Variants in KYNU observed in about 807,000 individuals in gnomAD.
The protein encoded by KYNU is kynureninase, also known as L-kynurenine hydrolase.
A neutral mutation model predicts 59.2 loss-of-function variants in KYNU; 54 were observed. The observed-to-expected ratio is 0.91, with a 90% confidence interval of 0.73 to 1.14. The LOEUF is 1.14. KYNU is among the 50% of genes most tolerant of loss of function. The probability of loss-of-function intolerance (pLI) is 0.00; values close to 1 mark genes in which losing one functional copy is unlikely to be tolerated. For synonymous variants in KYNU, 177 were observed against 192.0 expected (o/e 0.92, Z 0.65); for missense variants, 567 against 554.4 (o/e 1.02, Z -0.23).
chr2:142,997,654 A>G, intron 10 of KYNU, among the ~76,000 whole-genome samples: 1 of 152,178 alleles, frequency 6.6e-6, no homozygotes, highest in East Asian at 1.9e-4. Flanking sequence ...GTATGTTCTT[A>G]AGAAAGATTG....
intron 4 of KYNU, among the ~76,000 whole-genome samples, chr2:142,933,934 GA>G (rs578104423): frequency 6.6e-6 from 1 of 151,632 alleles, no homozygotes; most frequent in Non-Finnish European, 1.5e-5. Context: ...GAATTGTGGG[GA>G]AAAAAAAGCA....
intron 2 of KYNU, among the ~76,000 whole-genome samples, chr2:142,906,051 G>C: frequency 7.1e-6 from 1 of 141,376 alleles, no homozygotes; most frequent in African/African-American, 2.8e-5. Context: ...CTCTCTCTCT[G>C]CCTCTTTCTC....
At position 143,045,886 on chromosome 2, in the gene KYNU, A is replaced by G. The variant is rs572461529; in HGVS notation, c.*3714A>G. The stretch of plus-strand genomic sequence containing the variant: ...ACAAGCAGCTTAGTAGGAGAAACAT[A>G]TGTTGAACTTGTAAGCAGAGAAGTA... On this transcript the variant is annotated 3_prime_UTR_variant, in exon 14 of 14. Transcript: ENST00000264170. The G allele has an allele frequency of 2.6e-5, 4 of 152,294 alleles. No homozygotes were observed. Among genetic ancestry groups the G allele is most frequent in the South Asian group, 2.1e-4 (1 of 4,832 alleles). 9.4% of individuals were successfully genotyped at this position (152,294 alleles called of 1,614,324 possible).
chr2:142,960,827 T>C (rs1469649093), intron 8 of KYNU, 57 bp downstream of exon 8: 1 of 1,517,436 alleles, frequency 6.6e-7, no homozygotes, highest in East Asian at 2.3e-5. Flanking sequence ...TACTTAAGAG[T>C]GTTCTAATTG....
intron 8 of KYNU, among the ~76,000 whole-genome samples, chr2:142,975,564 A>T (rs1231161251): frequency 1.3e-5 from 2 of 152,092 alleles, no homozygotes; most frequent in Non-Finnish European, 2.9e-5. Context: ...ATACCCCTAG[A>T]TGCTACCATG....
At chr2:143,041,902 C>T in intron 13 of KYNU, 145 bp from the exon 14 acceptor site, 1 of 706,448 alleles carries the variant, frequency 1.4e-6, no homozygotes, top group Non-Finnish European at 2.4e-6. Flanking sequence ...AGAAAAACAC[C>T]ATGTTTTAAA....
At chr2:143,042,021 A>AT in intron 13 of KYNU, 26 bp from the exon 14 acceptor site, 2 of 1,609,990 alleles carry the variant, frequency 1.2e-6, no homozygotes, top group Non-Finnish European at 1.7e-6. Context: ...TGCTAACATT[A>AT]TTGTGGCTTT....
At chr2:143,023,121 C>CT (rs1362768901) in intron 10 of KYNU, among the ~76,000 whole-genome samples, 3 of 151,822 alleles carry the variant, frequency 2.0e-5, no homozygotes, top group African/African-American at 7.2e-5. Context: ...GAATTGTTCT[C>CT]TCTGCACTGT....
intron 2 of KYNU, among the ~76,000 whole-genome samples, chr2:142,905,262 GA>G (rs1185587578): frequency 3.9e-5 from 6 of 152,192 alleles, no homozygotes; most frequent in Non-Finnish European, 5.9e-5. Context: ...AGAGCAAGGA[GA>G]AAAAGATGGG....
intron 2 of KYNU, among the ~76,000 whole-genome samples, chr2:142,885,986 AGCCATCTTT>A (rs770429027): frequency 1.3e-5 from 2 of 152,230 alleles, no homozygotes; most frequent in Non-Finnish European, 2.9e-5. Context: ...TTATATGAAT[AGCCATCTTT>A]GCATGCTGTA....
At position 143,040,583 on chromosome 2, in the gene KYNU, G is replaced by C. The variant is rs1687016431; in HGVS notation, c.1197G>C (p.Arg399=). 5.0e-6 allele frequency: 8 copies of C among 1,612,492 alleles called. No individual in the cohort carries two copies. The highest frequency in any genetic ancestry group is 6.8e-6 in the Non-Finnish European group (8 of 1,179,124). ...NIITPSHVEE[R]GCQLTITFSV... is the part of the protein sequence containing the mutation. Reference sequence around the variant, plus strand: ...TTACTCCGTCTCATGTAGAGGAGCGGGGGTGCCAGCTAACAATAACATTTT... The same window carrying C: ...TTACTCCGTCTCATGTAGAGGAGCGCGGGTGCCAGCTAACAATAACATTTT... Residue 399 remains arginine (R), a synonymous_variant, in exon 13 of 14, where the codon CGG becomes CGC. Transcript: ENST00000264170.
chr2:142,944,272 T>G (rs911688701), intron 4 of KYNU, among the ~76,000 whole-genome samples: 2 of 152,178 alleles, frequency 1.3e-5, no homozygotes, highest in African/African-American at 4.8e-5. Context: ...TAATTAGAAG[T>G]GCTGAAATAC....
intron 10 of KYNU, among the ~76,000 whole-genome samples, chr2:143,023,610 T>C (rs987601615): frequency 6.6e-6 from 1 of 151,870 alleles, no homozygotes; most frequent in Non-Finnish European, 1.5e-5. Context: ...GAACAGCAAT[T>C]CATAACTGTT....
intron 10 of KYNU, 65 bp from the exon 11 acceptor site, chr2:143,029,562 G>A: frequency 1.0e-6 from 1 of 988,118 alleles, no homozygotes. Flanking sequence ...CTCCAGCCTA[G>A]GCAGCAGAGC....
In KYNU at chr2:143,022,861, AG is replaced by A. The variant is rs1686448012; in HGVS notation, c.903-6765del. ...CTTCTGCATATGTTTTTCTTTTCAT[AG>A]CTTTACCTTCTTATGTTTTCTTGAT... On this transcript the variant is annotated intron_variant, in intron 10 of 13. Coordinates refer to ENST00000264170, the MANE Select transcript of KYNU (RefSeq NM_003937.3). Among the ~76,000 whole-genome samples, 5 of 151,962 alleles carry A rather than the reference AG, an allele frequency of 3.3e-5. No individual in the cohort carries two copies. The South Asian group carries it at 1.0e-3, about 32-fold the overall frequency.
intron 2 of KYNU, among the ~76,000 whole-genome samples, chr2:142,910,267 T>G (rs1472078051): frequency 3.1e-4 from 47 of 150,446 alleles, no homozygotes; most frequent in African/African-American, 1.1e-3. Flanking sequence ...CTCCCAAGTA[T>G]CTGGGACTAC....
chr2:143,026,600 A>G (rs1315512100), intron 10 of KYNU, among the ~76,000 whole-genome samples: 1 of 152,230 alleles, frequency 6.6e-6, no homozygotes, highest in Non-Finnish European at 1.5e-5. Context: ...CGCACAGGTG[A>G]GCAGGTGTAG....
At position 143,054,871 on chromosome 2, in the gene KYNU, G is replaced by C. The variant is rs1687327653; in HGVS notation, c.*12699G>C. 1 of 152,132 alleles carries C rather than the reference G, an allele frequency of 6.6e-6. No homozygotes were observed. Among genetic ancestry groups the C allele is most frequent in the South Asian group, 2.1e-4 (1 of 4,830 alleles). 9.4% of individuals were successfully genotyped at this position (152,132 alleles called of 1,614,324 possible). On this transcript the variant is annotated 3_prime_UTR_variant, in exon 14 of 14. Coordinates refer to ENST00000264170, the MANE Select transcript of KYNU (RefSeq NM_003937.3). ...GATATAATAAACAAATGCAATGTGT[G>C]GACTTGGTTGGGATCTTCATTCAAA...
chr2:142,898,585 C>T (rs544221293), intron 2 of KYNU, among the ~76,000 whole-genome samples: 11 of 152,182 alleles, frequency 7.2e-5, no homozygotes, highest in African/African-American at 2.7e-4. Context: ...ACTCAAATAC[C>T]TAGCTAGTAA....
Sources: gnomAD v4.1 joint callset for allele counts (sites outside exome capture counted in the v4.1 genomes callset) on GRCh38, gnomAD v4.1.1 for gene constraint, MANE v1.5 for transcripts, NCBI Gene and HGNC (gene_info 2026-07-23, HGNC 2026-07-21) for gene names.